The following USP25 variants were observed in gnomAD, a reference collection of about 807,000 sequenced individuals.
The protein encoded by USP25 is ubiquitin specific peptidase 25, also known as ubiquitin carboxyl-terminal hydrolase 25.
Under a neutral mutation model 158.5 loss-of-function variants are expected in USP25, and 85 were observed. That is an observed-to-expected ratio of 0.54 (90% CI 0.45 to 0.64). The LOEUF (loss-of-function observed/expected upper bound fraction) is 0.64, where lower values mean the gene tolerates loss of function less well. Among genes scored for constraint, USP25 ranks in the 30% least tolerant of loss-of-function variants. The pLI is 0.00. For missense variants in USP25, 1,242 were observed against 1,327.3 expected (o/e 0.94, Z 1.00); for synonymous variants, 464 against 460.4 (o/e 1.01, Z -0.10).
At chr21:15,730,783 G>T (rs952519155) in intron 1 of USP25, among the ~76,000 whole-genome samples, 2 of 152,174 alleles carry the variant, frequency 1.3e-5, no homozygotes, top group Non-Finnish European at 2.9e-5. Context: ...ATAGCTAGTT[G>T]TCATCCTTTC....
intron 20 of USP25, among the ~76,000 whole-genome samples, chr21:15,854,857 C>A (rs1461009761): frequency 3.9e-5 from 6 of 152,112 alleles, no homozygotes; most frequent in African/African-American, 7.2e-5. Flanking sequence ...ATGCAATGGG[C>A]TACACTACAC....
chr21:15,801,969 G>A (rs1011401420), intron 6 of USP25, among the ~76,000 whole-genome samples: 1 of 151,446 alleles, frequency 6.6e-6, no homozygotes, highest in Non-Finnish European at 1.5e-5. Flanking sequence ...GGTAATTTCA[G>A]TGTCTAGGAG....
chr21:15,763,686 T>C (rs1267069017), intron 2 of USP25, among the ~76,000 whole-genome samples: 1 of 152,152 alleles, frequency 6.6e-6, no homozygotes, highest in Non-Finnish European at 1.5e-5. Flanking sequence ...TATACACAGC[T>C]CCAATCCTTT....
chr21:15,831,790 G>A (rs1290167346), intron 16 of USP25, among the ~76,000 whole-genome samples, 161 bp downstream of exon 16: 2 of 152,186 alleles, frequency 1.3e-5, no homozygotes, highest in Non-Finnish European at 2.9e-5. Flanking sequence ...TGTCGTCAGG[G>A]CTAAGAATTC....
chr21:15,810,100 C>T (rs528403890), intron 8 of USP25, among the ~76,000 whole-genome samples: 4 of 152,120 alleles, frequency 2.6e-5, no homozygotes, highest in East Asian at 1.9e-4. Context: ...TTAACATTAC[C>T]GAACTGTACA....
intron 20 of USP25, among the ~76,000 whole-genome samples, chr21:15,853,359 A>G (rs1601134135): frequency 6.6e-6 from 1 of 152,116 alleles, no homozygotes; most frequent in East Asian, 1.9e-4. Context: ...ACACACATGC[A>G]CACATGTACA....
intron 9 of USP25, among the ~76,000 whole-genome samples, chr21:15,813,931 G>T (rs573900239): frequency 6.6e-6 from 1 of 151,696 alleles, no homozygotes; most frequent in Non-Finnish European, 1.5e-5. Context: ...GTCCCAAACC[G>T]AATCTCAACT....
At chr21:15,873,186 T>G (rs1292484238) in intron 23 of USP25, among the ~76,000 whole-genome samples, 2 of 151,966 alleles carry the variant, frequency 1.3e-5, no homozygotes, top group Non-Finnish European at 2.9e-5. Context: ...CATGGCTCAC[T>G]ACAACCTCTT....
At chr21:15,756,998 G>C (rs971246100) in intron 1 of USP25, among the ~76,000 whole-genome samples, 4 of 152,142 alleles carry the variant, frequency 2.6e-5, no homozygotes, top group African/African-American at 9.7e-5. Flanking sequence ...ACCATATTTA[G>C]GACATTTCCA....
intron 3 of USP25, among the ~76,000 whole-genome samples, chr21:15,767,649 A>G (rs1290120358): frequency 6.6e-6 from 1 of 152,084 alleles, no homozygotes; most frequent in African/African-American, 2.4e-5. Context: ...TCAAAGTTCC[A>G]AGACTCGAGG....
At chr21:15,777,248 T>C (rs1329685636) in intron 3 of USP25, among the ~76,000 whole-genome samples, 1 of 152,184 alleles carries the variant, frequency 6.6e-6, no homozygotes, top group Non-Finnish European at 1.5e-5. Flanking sequence ...AATCTTGTTT[T>C]AAATTAAAAG....
chr21:15,844,187 G>A (rs752124324), intron 18 of USP25, among the ~76,000 whole-genome samples: 2 of 152,074 alleles, frequency 1.3e-5, no homozygotes, highest in Non-Finnish European at 2.9e-5. Context: ...TTCATTAACC[G>A]TGGCTTGATC....
chr21:15,828,235 G>C (rs1326569029), intron 14 of USP25, among the ~76,000 whole-genome samples: 1 of 152,106 alleles, frequency 6.6e-6, no homozygotes, highest in Non-Finnish European at 1.5e-5. Context: ...TCAAATAAGA[G>C]GGAATTTTTA....
chr21:15,750,956 A>G (rs962865941), intron 1 of USP25, among the ~76,000 whole-genome samples: 1 of 152,190 alleles, frequency 6.6e-6, no homozygotes, highest in Non-Finnish European at 1.5e-5. Flanking sequence ...TATTATTAAT[A>G]CACTGTTAGT....
In USP25 at chr21:15,762,908, G is replaced by T. The variant is rs148656120; in HGVS notation, c.63G>T (p.Leu21Phe). The T allele has an allele frequency of 2.5e-6, 4 of 1,612,394 alleles. No individual in the cohort carries two copies. The South Asian group carries it at 4.4e-5, about 18-fold the overall frequency. The change falls in exon 2 of 26, where the codon TTG becomes TTT. Residue 21 changes from leucine to phenylalanine, a missense_variant. Physicochemically the swap from Leu to Phe is conservative, Grantham distance 22. This residue lies in a region of USP25 where 627 missense variants were observed against 701.4 expected (regional missense o/e 0.89). Coordinates refer to ENST00000400183, the MANE Select transcript of USP25 (RefSeq NM_001283041.3). ...SAAQKHQQTF[L>F]NQLREITGIN... ...CCCTCTAGCACCAGCAGACGTTTTT[G>T]AATCAACTGAGAGAAATTACGGGGA... is the stretch of plus-strand genomic sequence containing the variant.
intron 23 of USP25, among the ~76,000 whole-genome samples, chr21:15,873,471 T>TA (rs1270775937): frequency 6.6e-6 from 1 of 151,970 alleles, no homozygotes; most frequent in Non-Finnish European, 1.5e-5. Flanking sequence ...TATCTAGACT[T>TA]ACATTAATAT....
At chr21:15,871,280 T>G (rs2039873943) in intron 23 of USP25, among the ~76,000 whole-genome samples, 1 of 152,248 alleles carries the variant, frequency 6.6e-6, no homozygotes, top group South Asian at 2.1e-4. Context: ...CTTACTTTGA[T>G]CAATACCTCC....
intron 1 of USP25, among the ~76,000 whole-genome samples, chr21:15,741,714 C>A (rs2032074366): frequency 6.6e-6 from 1 of 152,062 alleles, no homozygotes; most frequent in Non-Finnish European, 1.5e-5. Flanking sequence ...CTGCATTCTT[C>A]CAAGTCTTAA....
At chr21:15,810,270 A>T (rs1378199064) in intron 8 of USP25, among the ~76,000 whole-genome samples, 1 of 152,152 alleles carries the variant, frequency 6.6e-6, no homozygotes, top group East Asian at 1.9e-4. Flanking sequence ...AGAAGTACTT[A>T]TCAACATTAT....
Sources: allele counts gnomAD v4.1 joint callset (sites outside exome capture counted in the v4.1 genomes callset), GRCh38; gene constraint gnomAD v4.1.1; regional missense constraint gnomAD v4.1.1; transcripts MANE v1.5; gene names NCBI Gene and HGNC (gene_info 2026-07-23, HGNC 2026-07-21).